B3GALT1: variants seen among roughly 807,000 people sequenced by gnomAD.
B3GALT1 encodes beta-1,3-galactosyltransferase 1.
In B3GALT1, 10 loss-of-function variants were observed where a neutral mutation model predicts 23.2. The ratio of observed to expected loss-of-function variants is 0.43; its 90% CI spans 0.27 to 0.73. The LOEUF (loss-of-function observed/expected upper bound fraction) is 0.73. B3GALT1 is among the 30% of genes least tolerant of loss of function. B3GALT1 has a pLI of 0.21. For synonymous variants in B3GALT1, 156 were observed against 141.5 expected (o/e 1.10, Z -0.73); for missense variants, 299 against 405.4 (o/e 0.74, Z 2.25).
intron 3 of B3GALT1, among the ~76,000 whole-genome samples, chr2:167,774,472 GTTTTTTTTTTTTGTTTTTTTTTTTGTT>G (rs1443080416): frequency 1.8e-5 from 2 of 111,960 alleles, no homozygotes; most frequent in East Asian, 5.4e-4. Flanking sequence ...GTGTTTATTG[GTTTTTTTTTTTTGTTTTTTTTTTTGTT>G]TTTTTTTTTT....
chr2:167,807,957 A>C (rs1003913118), intron 3 of B3GALT1, among the ~76,000 whole-genome samples: 1 of 152,226 alleles, frequency 6.6e-6, no homozygotes, highest in East Asian at 1.9e-4. Context: ...GTAGGTCTCT[A>C]AGGACTTGCT....
chr2:167,643,758 A>G (rs1685694755), intron 2 of B3GALT1, among the ~76,000 whole-genome samples: 1 of 152,172 alleles, frequency 6.6e-6, no homozygotes, highest in Non-Finnish European at 1.5e-5. Context: ...ACAAATGTAT[A>G]AGGTGTGGGT....
intron 3 of B3GALT1, among the ~76,000 whole-genome samples, chr2:167,772,699 C>A (rs1688092587): frequency 6.6e-6 from 1 of 152,188 alleles, no homozygotes; most frequent in Non-Finnish European, 1.5e-5. Flanking sequence ...GATTAAAGGT[C>A]ACTCTAGTTT....
At chr2:167,399,424 C>T (rs554906063) in intron 1 of B3GALT1, among the ~76,000 whole-genome samples, 1 of 152,112 alleles carries the variant, frequency 6.6e-6, no homozygotes, top group South Asian at 2.1e-4. Context: ...AATGTAATAA[C>T]ACCTGTGTCA....
chr2:167,852,935 A>G (rs527436509), intron 4 of B3GALT1, among the ~76,000 whole-genome samples: 1 of 152,320 alleles, frequency 6.6e-6, no homozygotes, highest in African/African-American at 2.4e-5. Context: ...AGAAATAGTA[A>G]TGAGAGTGAC....
chr2:167,787,615 G>A (rs941703383), intron 3 of B3GALT1, among the ~76,000 whole-genome samples: 35 of 152,328 alleles, frequency 2.3e-4, no homozygotes, highest in African/African-American at 7.9e-4. Flanking sequence ...CAAGAGAGGT[G>A]CTTCCCCATC....
At chr2:167,710,688 C>A (rs1558956094) in intron 3 of B3GALT1, among the ~76,000 whole-genome samples, 2 of 152,188 alleles carry the variant, frequency 1.3e-5, no homozygotes, top group Non-Finnish European at 2.9e-5. Flanking sequence ...ATTCATTTTG[C>A]AGAGCTGGGA....
At chr2:167,628,262 A>G (rs749269307) in intron 2 of B3GALT1, among the ~76,000 whole-genome samples, 3 of 151,624 alleles carry the variant, frequency 2.0e-5, no homozygotes, top group Non-Finnish European at 4.4e-5. Flanking sequence ...CCCTTTATAC[A>G]TGGAAGTGGC....
chr2:167,358,990 C>T (rs1426177206), intron 1 of B3GALT1, among the ~76,000 whole-genome samples: 6 of 151,916 alleles, frequency 3.9e-5, no homozygotes, highest in Non-Finnish European at 8.8e-5. Flanking sequence ...TTAGTAGAGA[C>T]GGGGTTTCAC....
intron 1 of B3GALT1, among the ~76,000 whole-genome samples, chr2:167,443,232 A>C (rs573781985): frequency 4.6e-5 from 7 of 152,020 alleles, no homozygotes; most frequent in Middle Eastern, 3.4e-3. Context: ...CCATTGATCT[A>C]TATCTCTGTT....
intron 2 of B3GALT1, among the ~76,000 whole-genome samples, chr2:167,570,978 A>G (rs1325135960): frequency 6.6e-6 from 1 of 151,992 alleles, no homozygotes; most frequent in Non-Finnish European, 1.5e-5. Flanking sequence ...CGATTCTCAT[A>G]CATAATAACA....
chr2:167,627,162 G>A (rs1412550145), intron 2 of B3GALT1, among the ~76,000 whole-genome samples: 2 of 151,642 alleles, frequency 1.3e-5, no homozygotes, highest in African/African-American at 4.8e-5. Flanking sequence ...TAATGTGTGT[G>A]TATGTGTGTG....
intron 3 of B3GALT1, among the ~76,000 whole-genome samples, chr2:167,654,368 C>A (rs61095853): frequency 0.061 from 9,223 of 152,238 alleles, 528 homozygotes; most frequent in East Asian, 0.22. Flanking sequence ...TGTGAAATCT[C>A]TTCCAGGCTT....
rs1259002673 is a variant in B3GALT1 at position 167,866,612 on chromosome 2, A to G, written c.-229-2199A>G. ...ACTCTGTAGACATGAGGAAGGAACAATAAAAAGGAGATCAAAATGTAAAGT... is the reference window on the plus strand; with the variant it reads ...ACTCTGTAGACATGAGGAAGGAACAGTAAAAAGGAGATCAAAATGTAAAGT... On this transcript the variant is annotated intron_variant, in intron 4 of 4. Coordinates refer to ENST00000392690, the MANE Select transcript of B3GALT1 (RefSeq NM_020981.4). Among the ~76,000 whole-genome samples the G allele has an allele frequency of 2.0e-5, 3 of 152,230 alleles. No homozygotes were observed. The East Asian group carries it at 5.8e-4, about 29-fold the overall frequency.
chr2:167,484,302 A>G (rs1306970761), intron 1 of B3GALT1, among the ~76,000 whole-genome samples: 1 of 152,174 alleles, frequency 6.6e-6, no homozygotes, highest in Non-Finnish European at 1.5e-5. Context: ...TCAACAAAAA[A>G]AAAGTCAAAC....
At chr2:167,308,242 T>A (rs913507359) in intron 1 of B3GALT1, among the ~76,000 whole-genome samples, 1 of 151,902 alleles carries the variant, frequency 6.6e-6, no homozygotes, top group African/African-American at 2.4e-5. Flanking sequence ...CAAAACTGAG[T>A]TTTTGATAGA....
chr2:167,312,030 A>T (rs1287418910), intron 1 of B3GALT1, among the ~76,000 whole-genome samples: 12 of 151,962 alleles, frequency 7.9e-5, no homozygotes, highest in Admixed American at 7.9e-4. Context: ...AATTCCAAAA[A>T]CAAAAATAAA....
chr2:167,778,367 C>G (rs971455547), intron 3 of B3GALT1, among the ~76,000 whole-genome samples: 1 of 152,060 alleles, frequency 6.6e-6, no homozygotes, highest in Non-Finnish European at 1.5e-5. Flanking sequence ...CACCCTATAC[C>G]TTTTGTCTTC....
At chr2:167,554,814 AACTT>A (rs1308606457) in intron 2 of B3GALT1, among the ~76,000 whole-genome samples, 7 of 152,226 alleles carry the variant, frequency 4.6e-5, no homozygotes, top group African/African-American at 1.7e-4. Context: ...GGTACCTACT[AACTT>A]TAGTAGACAA....
Sources: gnomAD v4.1 joint callset for allele counts (sites outside exome capture counted in the v4.1 genomes callset) on GRCh38, gnomAD v4.1.1 for gene constraint, MANE v1.5 for transcripts, NCBI Gene and HGNC (gene_info 2026-07-23, HGNC 2026-07-21) for gene names.